The following DNM3 variants were observed in gnomAD, a reference collection of about 807,000 sequenced individuals.
DNM3 encodes dynamin 3, also known as dynamin-3.
DNM3 carries 47 observed loss-of-function variants against 101.6 expected under a neutral mutation model. That is an observed-to-expected ratio of 0.46 (90% confidence interval 0.37 to 0.59). The LOEUF (loss-of-function observed/expected upper bound fraction) is 0.59, where lower values mean the gene tolerates loss of function less well. DNM3 is among the 20% of genes least tolerant of loss of function. The pLI is 0.00. For synonymous variants in DNM3, 385 were observed against 387.9 expected (o/e 0.99, Z 0.09); for missense variants, 849 against 1,085.7 (o/e 0.78, Z 3.06).
chr1:172,291,360 G>A (rs2063909241), intron 15 of DNM3, among the ~76,000 whole-genome samples: 1 of 152,116 alleles, frequency 6.6e-6, no homozygotes, highest in African/African-American at 2.4e-5. Context: ...CAGTTGAAAG[G>A]AAGAAACTGT....
At position 172,038,413 on chromosome 1, in the gene DNM3, A is replaced by G. The variant is rs758244650; in HGVS notation, c.944A>G (p.Lys315Arg). The G allele has an allele frequency of 6.2e-7, 1 of 1,613,358 alleles. No homozygotes were observed. Among genetic ancestry groups the G allele is most frequent in the Non-Finnish European group, 8.5e-7 (1 of 1,179,566 alleles). The change falls in exon 7 of 21, where the codon AAA (lysine) becomes AGA (arginine). Residue 315 changes from lysine (K) to arginine (R), a missense_variant. This residue lies in a region of DNM3 where 388 missense variants were observed against 483.0 expected (regional missense o/e 0.80). Coordinates refer to ENST00000627582, the MANE Select transcript of DNM3 (RefSeq NM_015569.5). Reference sequence around the variant, plus strand: ...ATAGAACATGAAGTAGAAGCCTACAAAAATTTCAAACCAGAAGACCCAACA... The same window carrying G: ...ATAGAACATGAAGTAGAAGCCTACAGAAATTTCAAACCAGAAGACCCAACA... ...LSIEHEVEAYKNFKPEDPTRK... is the reference protein window; with the variant it reads ...LSIEHEVEAYRNFKPEDPTRK...
At chr1:172,071,519 AC>A (rs1553362217) in intron 11 of DNM3, among the ~76,000 whole-genome samples, 1 of 152,080 alleles carries the variant, frequency 6.6e-6, no homozygotes, top group Non-Finnish European at 1.5e-5. Flanking sequence ...AGACAGAGTG[AC>A]CCATATCCTC....
chr1:172,007,866 A>G (rs2046801324), intron 4 of DNM3, among the ~76,000 whole-genome samples: 1 of 152,128 alleles, frequency 6.6e-6, no homozygotes, highest in Non-Finnish European at 1.5e-5. Flanking sequence ...CTTGGGCTCA[A>G]GCGGTTCTCC....
chr1:171,892,189 A>G (rs1384630903), intron 1 of DNM3, among the ~76,000 whole-genome samples: 2 of 151,818 alleles, frequency 1.3e-5, no homozygotes, highest in East Asian at 1.9e-4. Context: ...GTGTGTGTCT[A>G]TGTGTTTTGA....
chr1:171,898,456 G>C (rs972119037), intron 1 of DNM3, among the ~76,000 whole-genome samples: 2 of 151,964 alleles, frequency 1.3e-5, no homozygotes, highest in African/African-American at 2.4e-5. Flanking sequence ...TGAAGATTTA[G>C]AGATTTATAA....
chr1:172,158,944 T>C (rs2148277379), intron 14 of DNM3, among the ~76,000 whole-genome samples: 1 of 152,198 alleles, frequency 6.6e-6, no homozygotes, highest in East Asian at 1.9e-4. Context: ...AAAAACATGC[T>C]GGGGATCTTG....
At chr1:172,270,306 T>C (rs2148745417) in intron 15 of DNM3, among the ~76,000 whole-genome samples, 1 of 151,202 alleles carries the variant, frequency 6.6e-6, no homozygotes, top group Non-Finnish European at 1.5e-5. Flanking sequence ...GTAACTATAA[T>C]GCTAAATGAA....
At chr1:172,412,932 A>ATTGTG (rs2071295103), downstream of DNM3, among the ~76,000 whole-genome samples, 1 of 152,204 alleles carries the variant, frequency 6.6e-6, no homozygotes, top group Non-Finnish European at 1.5e-5. Context: ...AGTGGGAGAC[A>ATTGTG]TTGTGTTTCT....
intron 14 of DNM3, among the ~76,000 whole-genome samples, chr1:172,166,874 A>T (rs1572800187): frequency 6.6e-6 from 1 of 151,906 alleles, no homozygotes; most frequent in South Asian, 2.1e-4. Flanking sequence ...GATTTATGTC[A>T]TCCAGAAGTT....
At chr1:171,879,110 T>C (rs1313508951) in intron 1 of DNM3, among the ~76,000 whole-genome samples, 1 of 152,208 alleles carries the variant, frequency 6.6e-6, no homozygotes, top group African/African-American at 2.4e-5. Flanking sequence ...TATGTACTAG[T>C]TTGAATCATT....
intron 15 of DNM3, among the ~76,000 whole-genome samples, chr1:172,292,601 TCACA>T (rs3079013): frequency 6.7e-5 from 10 of 148,574 alleles, no homozygotes; most frequent in African/African-American, 1.5e-4. Flanking sequence ...ATAGAAGACT[TCACA>T]CACACACACA....
At chr1:172,113,642 AAAC>A (rs1353334313) in intron 13 of DNM3, among the ~76,000 whole-genome samples, 8 of 149,082 alleles carry the variant, frequency 5.4e-5, no homozygotes, top group Non-Finnish European at 1.0e-4. Context: ...AAAAAAAAAA[AAAC>A]AACTCAGGAA....
intron 14 of DNM3, among the ~76,000 whole-genome samples, chr1:172,176,150 T>C (rs556040796): frequency 2.0e-5 from 3 of 151,796 alleles, no homozygotes; most frequent in Non-Finnish European, 1.5e-5. Flanking sequence ...GTAAACCCAG[T>C]GTAATCATAG....
chr1:172,226,262 A>G (rs568362169), intron 14 of DNM3, among the ~76,000 whole-genome samples: 1 of 152,042 alleles, frequency 6.6e-6, no homozygotes, highest in Non-Finnish European at 1.5e-5. Context: ...GTCTCCTCCA[A>G]CCCCCTAGCT....
chr1:172,103,829 C>T (rs2054824209), intron 13 of DNM3, among the ~76,000 whole-genome samples: 1 of 152,122 alleles, frequency 6.6e-6, no homozygotes, highest in Non-Finnish European at 1.5e-5. Flanking sequence ...AGTGAAACCC[C>T]ATCTCTACTA....
At chr1:172,117,549 C>T (rs1253793933) in intron 13 of DNM3, among the ~76,000 whole-genome samples, 2 of 152,108 alleles carry the variant, frequency 1.3e-5, no homozygotes, top group African/African-American at 4.8e-5. Flanking sequence ...GTAAGAAGTG[C>T]CTTTCATCTC....
At chr1:171,983,374 C>T (rs2044969824) in intron 2 of DNM3, among the ~76,000 whole-genome samples, 1 of 152,050 alleles carries the variant, frequency 6.6e-6, no homozygotes, top group African/African-American at 2.4e-5. Context: ...GGGAGGATCA[C>T]TTGAGCCCAG....
intron 14 of DNM3, among the ~76,000 whole-genome samples, chr1:172,238,973 C>G (rs1194526000): frequency 6.6e-6 from 1 of 152,168 alleles, no homozygotes; most frequent in Non-Finnish European, 1.5e-5. Context: ...TCTTCCAGAA[C>G]TTGCCTTTTT....
At chr1:172,360,306 TATA>T (rs1291573244) in intron 17 of DNM3, among the ~76,000 whole-genome samples, 1 of 152,044 alleles carries the variant, frequency 6.6e-6, no homozygotes, top group Non-Finnish European at 1.5e-5. Flanking sequence ...TGGTCTTACA[TATA>T]ATAATAGGTG....
Sources: allele counts gnomAD v4.1 joint callset (sites outside exome capture counted in the v4.1 genomes callset), GRCh38; gene constraint gnomAD v4.1.1; regional missense constraint gnomAD v4.1.1; transcripts MANE v1.5; gene names NCBI Gene and HGNC (gene_info 2026-07-23, HGNC 2026-07-21).